Variants in DCLK1 observed in about 807,000 individuals in gnomAD.
The protein encoded by DCLK1 is serine/threonine-protein kinase DCLK1.
DCLK1 carries 16 observed loss-of-function variants against 86.2 expected under a neutral mutation model. The observed-to-expected ratio is 0.19, with a 90% CI of 0.13 to 0.28. The LOEUF is 0.28. DCLK1 is among the 10% of genes least tolerant of loss of function. The pLI is 1.00. For synonymous variants in DCLK1, 369 were observed against 370.5 expected, an observed-to-expected ratio of 1.00 and a Z score of 0.05; for missense variants, 590 against 940.2, an observed-to-expected ratio of 0.63 and a Z score of 4.87.
intron 6 of DCLK1, chr13:35,850,496 T>G: frequency 8.4e-7 from 1 of 1,196,482 alleles, no homozygotes; most frequent in Non-Finnish European, 1.0e-6. Context: ...GTGTTCAAAC[T>G]CTCCCCAATC....
Position 35,836,076 on chromosome 13 carries a change from T to C in DCLK1, c.1186A>G (p.Ile396Val), listed in dbSNP as rs752597825. Residue 396 changes from isoleucine (I) to valine (V), a missense_variant, in exon 8 of 17, where the codon ATA (isoleucine) becomes GTA (valine). Transcript: ENST00000360631. ...ACAACAGCAAAATTTCCATCTCCTATTGTTCTTCCGACTTTATATCGTTCT... is the reference window on the plus strand; with the variant it reads ...ACAACAGCAAAATTTCCATCTCCTACTGTTCTTCCGACTTTATATCGTTCT... ...ITERYKVGRT[I>V]GDGNFAVVKE... 6.2e-7 allele frequency: 1 copy of C among 1,613,756 alleles called. No individual in the cohort carries two copies. Among genetic ancestry groups the C allele is most frequent in the Non-Finnish European group, 8.5e-7 (1 of 1,179,940 alleles).
chr13:35,920,336 G>A (rs1875724704), intron 4 of DCLK1, among the ~76,000 whole-genome samples: 1 of 152,216 alleles, frequency 6.6e-6, no homozygotes, highest in African/African-American at 2.4e-5. Context: ...TAGCTGTGAA[G>A]TGTATGACAA....
At chr13:36,076,770 C>T (rs1266559233) in intron 3 of DCLK1, among the ~76,000 whole-genome samples, 2 of 152,154 alleles carry the variant, frequency 1.3e-5, no homozygotes, top group Non-Finnish European at 2.9e-5. Flanking sequence ...TGGGCCCTGG[C>T]TCTGCCCTCT....
intron 3 of DCLK1, among the ~76,000 whole-genome samples, chr13:35,999,825 T>C (rs994711195): frequency 3.9e-5 from 6 of 152,174 alleles, no homozygotes; most frequent in Admixed American, 3.9e-4. Context: ...ATGCTTGCGG[T>C]CTGCTGACCT....
At chr13:35,860,664 T>C (rs919279725) in intron 5 of DCLK1, among the ~76,000 whole-genome samples, 2 of 152,202 alleles carry the variant, frequency 1.3e-5, no homozygotes, top group Non-Finnish European at 2.9e-5. Flanking sequence ...AATTCATTCA[T>C]GTGGTCAACA....
chr13:35,822,755 G>A lies in DCLK1; in HGVS notation c.1528C>T (p.Arg510Cys), dbSNP rs770840688. The A allele has an allele frequency of 1.9e-6, 3 of 1,613,990 alleles. No homozygotes were observed. The highest frequency in any genetic ancestry group is 2.5e-6 in the Non-Finnish European group (3 of 1,180,006). Residue 510 changes from arginine to cysteine, a missense_variant, in exon 11 of 17, where the codon CGT becomes TGT. Transcript: ENST00000360631. Reference protein sequence around the residue: ...KYLHSLNIVHRDIKPENLLVY... With the variant: ...KYLHSLNIVHCDIKPENLLVY... Reference sequence around the variant, plus strand: ...AGCAGGTTCTCTGGCTTGATATCACGGTGGACGATGTTCAGGCTATGCAGG... The same window carrying A: ...AGCAGGTTCTCTGGCTTGATATCACAGTGGACGATGTTCAGGCTATGCAGG...
chr13:35,949,813 C>A (rs945020077), intron 3 of DCLK1, among the ~76,000 whole-genome samples: 1 of 143,344 alleles, frequency 7.0e-6, no homozygotes, highest in African/African-American at 2.5e-5. Flanking sequence ...AAACAATGAT[C>A]CATCTTGGGC....
intron 3 of DCLK1, among the ~76,000 whole-genome samples, chr13:36,042,968 CAAATT>C (rs1882746722): frequency 6.6e-6 from 1 of 152,224 alleles, no homozygotes; most frequent in Non-Finnish European, 1.5e-5. Context: ...TTTGTTCACT[CAAATT>C]AAATCTGTGG....
At chr13:35,855,199 G>A (rs1870961049) in intron 5 of DCLK1, among the ~76,000 whole-genome samples, 1 of 152,138 alleles carries the variant, frequency 6.6e-6, no homozygotes, top group Non-Finnish European at 1.5e-5. Context: ...AAGAAAAACT[G>A]CTAACAAGTT....
rs558542697 is a variant in DCLK1, at chr13:36,130,526, G to T, written c.-20+588C>A. On this transcript the variant is annotated intron_variant, in intron 1 of 16. Coordinates refer to ENST00000360631, the MANE Select transcript of DCLK1 (RefSeq NM_001330071.2). ...GAGGAAAAAATGCCATTTCCTCTCCGCAAGCTTTTAGCACTGCAGGTACTA... is the reference window on the plus strand; with the variant it reads ...GAGGAAAAAATGCCATTTCCTCTCCTCAAGCTTTTAGCACTGCAGGTACTA... 5.3e-5 allele frequency among the ~76,000 whole-genome samples: 8 copies of T among 152,232 alleles called. No individual in the cohort carries two copies. The South Asian group carries it at 1.5e-3, about 28-fold the overall frequency.
At chr13:36,087,956 C>T (rs1281130756) in intron 3 of DCLK1, among the ~76,000 whole-genome samples, 1 of 152,186 alleles carries the variant, frequency 6.6e-6, no homozygotes, top group Non-Finnish European at 1.5e-5. Flanking sequence ...CACTAGAGTG[C>T]CCATGAGCAT....
chr13:36,021,383 A>G (rs190778612), intron 3 of DCLK1, among the ~76,000 whole-genome samples: 317 of 152,140 alleles, frequency 2.1e-3, no homozygotes, highest in Middle Eastern at 3.4e-3. Flanking sequence ...GCAAAATGGC[A>G]GAAAGAAATT....
rs577644658 is a variant in DCLK1, at chr13:35,846,234, AC to A, written c.1036-7059del. 3.0e-4 allele frequency: 295 copies of A among 985,108 alleles called. 6 individuals carry two copies. The South Asian group carries it at 0.013, about 42-fold the overall frequency. The allele number at this position is 985,108 out of a possible 1,614,324, so 61.0% of individuals were successfully genotyped here. On this transcript the variant is annotated intron_variant, in intron 6 of 16. Coordinates refer to ENST00000360631, the MANE Select transcript of DCLK1 (RefSeq NM_001330071.2). The stretch of plus-strand genomic sequence containing the variant: ...GAAAGTATGTAACCTCTTTATAAAA[AC>A]GTTATCCAAATTTACAACATTCATA...
chr13:35,834,807 G>A (rs1405654331), intron 8 of DCLK1, among the ~76,000 whole-genome samples: 4 of 152,176 alleles, frequency 2.6e-5, no homozygotes, highest in African/African-American at 9.7e-5. Flanking sequence ...CACAGTGGCT[G>A]CTCAGCTGGG....
chr13:35,805,753 G>A lies in DCLK1; in HGVS notation c.1890C>T (p.Val630=), dbSNP rs201223565. The A allele has an allele frequency of 2.2e-5, 36 of 1,613,708 alleles. No homozygotes were observed. Among genetic ancestry groups the A allele is most frequent in the Non-Finnish European group, 3.0e-5 (35 of 1,179,854 alleles). The change falls in exon 15 of 17, where the codon GTC becomes GTT. Residue 630 remains valine, a synonymous_variant. Coordinates refer to ENST00000360631, the MANE Select transcript of DCLK1 (RefSeq NM_001330071.2). ...CAGCAGAAAATCGCTGATCTACATC[G>A]ACCAACAGCATCATGGTAATGAGCT... ...AKELITMMLL[V]DVDQRFSAVQ...
At chr13:36,104,094 T>C (rs975947879) in intron 3 of DCLK1, among the ~76,000 whole-genome samples, 2 of 152,252 alleles carry the variant, frequency 1.3e-5, no homozygotes, top group Non-Finnish European at 2.9e-5. Flanking sequence ...ACAACCATCA[T>C]GGTGCGGTGT....
intron 3 of DCLK1, among the ~76,000 whole-genome samples, chr13:36,035,275 T>A (rs1306404249): frequency 6.6e-6 from 1 of 152,152 alleles, no homozygotes; most frequent in Non-Finnish European, 1.5e-5. Flanking sequence ...TTTCATAATG[T>A]TTTGCAGTGA....
intron 15 of DCLK1, chr13:35,805,478 T>C: frequency 2.2e-6 from 1 of 448,014 alleles, no homozygotes; most frequent in South Asian, 4.4e-5. Flanking sequence ...TTGTATTTTT[T>C]GGTAGAGATG....
intron 3 of DCLK1, among the ~76,000 whole-genome samples, chr13:36,011,632 G>C (rs910138066): frequency 1.3e-5 from 2 of 152,028 alleles, no homozygotes; most frequent in Non-Finnish European, 2.9e-5. Context: ...TTCCTGAGGA[G>C]AGCTTTACTT....
Sources: gnomAD v4.1 joint callset for allele counts (sites outside exome capture counted in the v4.1 genomes callset) on GRCh38, gnomAD v4.1.1 for gene constraint, MANE v1.5 for transcripts, NCBI Gene and HGNC (gene_info 2026-07-23, HGNC 2026-07-21) for gene names.